Variants in SRRD observed in about 807,000 individuals in gnomAD.
SRRD encodes the protein SRR1-like protein.
Under a neutral mutation model 30.7 loss-of-function variants are expected in SRRD, and 28 were observed. That is an observed-to-expected ratio of 0.91 (90% CI 0.68 to 1.25). SRRD has a LOEUF of 1.25. SRRD is among the 50% of genes most tolerant of loss of function. The probability of loss-of-function intolerance (pLI) is 0.00; values close to 1 mark genes in which losing one functional copy is unlikely to be tolerated. For missense variants in SRRD, 415 were observed against 417.3 expected, an observed-to-expected ratio of 0.99 and a Z score of 0.05; for synonymous variants, 161 against 159.6, an observed-to-expected ratio of 1.01 and a Z score of -0.07.
Position 26,494,146 on chromosome 22 carries a change from G to A in SRRD, c.*2474G>A, listed in dbSNP as rs1046277241. ...ATGGGAATCCTCACTTACCAACGTT[G>A]GAGGACACCGCCCGGTTCATGATAT... On this transcript the variant is annotated 3_prime_UTR_variant, in exon 7 of 7. Coordinates refer to ENST00000215917, the MANE Select transcript of SRRD (RefSeq NM_001013694.3). 3.1e-6 allele frequency: 5 copies of A among 1,613,804 alleles called. No homozygotes were observed. The highest frequency in any genetic ancestry group is 1.7e-5 in the Admixed American group (1 of 59,986).
chr22:26,486,121 A>T, intron 2 of SRRD, 58 bp downstream of exon 2: 1 of 1,610,176 alleles, frequency 6.2e-7, no homozygotes, highest in East Asian at 2.2e-5. Context: ...ATCAGTCCTC[A>T]TTTGAGGACA....
rs765290140 is a variant in SRRD at position 26,491,636 on chromosome 22, C to A, written c.984C>A (p.Ile328=). 1.9e-6 allele frequency: 3 copies of A among 1,613,416 alleles called. No homozygotes were observed. Among genetic ancestry groups the A allele is most frequent in the South Asian group, 2.2e-5 (2 of 91,086 alleles). The change falls in exon 7 of 7, where the codon ATC becomes ATA. Residue 328 remains isoleucine (I), a synonymous_variant. Coordinates refer to ENST00000215917, the MANE Select transcript of SRRD (RefSeq NM_001013694.3). ...AGGACTGTGAGGACCTTGAAATCATCAGGAACAAGAGAGAAGATCCTTCTG... is the reference window on the plus strand; with the variant it reads ...AGGACTGTGAGGACCTTGAAATCATAAGGAACAAGAGAGAAGATCCTTCTG... ...DYQDCEDLEI[I]RNKREDPSAT...
At chr22:26,484,189 C>A in intron 1 of SRRD, 90 bp downstream of exon 1, 2 of 1,293,806 alleles carry the variant, frequency 1.5e-6, no homozygotes, top group East Asian at 2.7e-5. Context: ...AGATATAATG[C>A]ACACCCTTTA....
At chr22:26,484,423 C>A (rs954798931) in intron 1 of SRRD, among the ~76,000 whole-genome samples, 5 of 152,092 alleles carry the variant, frequency 3.3e-5, no homozygotes, top group African/African-American at 1.2e-4. Context: ...AAACGGAAAC[C>A]ATTTTCTGGC....
intron 5 of SRRD, among the ~76,000 whole-genome samples, chr22:26,490,559 C>CTTTTTTCTTTTTTTTT (rs1921027159): frequency 1.9e-5 from 1 of 51,834 alleles, no homozygotes; most frequent in Non-Finnish European, 3.4e-5. Context: ...GGAATATTTG[C>CTTTTTTCTTTTTTTTT]TTTTTTTTTT....
chr22:26,493,024 A>G lies in SRRD; in HGVS notation c.*1352A>G, dbSNP rs1013607758. 1 of 150,790 alleles carries G rather than the reference A, an allele frequency of 6.6e-6. No homozygotes were observed. The highest frequency in any genetic ancestry group is 6.6e-5 in the Admixed American group (1 of 15,118). 9.3% of individuals were successfully genotyped at this position (150,790 alleles called of 1,614,324 possible). A position where few individuals can be genotyped will look rare whatever the true frequency, so the allele number is the denominator to read the frequency against. On this transcript the variant is annotated 3_prime_UTR_variant, in exon 7 of 7. Coordinates refer to ENST00000215917, the MANE Select transcript of SRRD (RefSeq NM_001013694.3). ...AATCTCTGTTTTCACAGAATAGGCT[A>G]TTTTTCTTTTTTTTTTTTTGAGACC...
Position 26,484,000 on chromosome 22 carries a change from GA to G in SRRD, c.111del (p.Glu38ArgfsTer46), listed in dbSNP as rs2091617046. 8.4e-5 allele frequency: 4 copies of G among 47,716 alleles called. No individual in the cohort carries two copies. Among genetic ancestry groups the G allele is most frequent in the South Asian group, 4.9e-4 (1 of 2,030 alleles). The allele number at this position is 47,716 out of a possible 1,614,324, so 3.0% of individuals were successfully genotyped here. A position where few individuals can be genotyped will look rare whatever the true frequency, so the allele number is the denominator to read the frequency against. Reference protein sequence around the residue: ...PRRREAAPRGREAAPRGREAA... With the variant: ...PRRREAAPRGXEAAPRGREAA... Reference sequence around the variant, plus strand: ...CGGAGGGAGGCGGCGCCCCGGGGGAGAGAGGCGGCGCCCCGGGGGAGAGAGG... The same window carrying G: ...CGGAGGGAGGCGGCGCCCCGGGGGAGGAGGCGGCGCCCCGGGGGAGAGAGG... On this transcript the variant is annotated frameshift_variant, in exon 1 of 7. Coordinates refer to ENST00000215917, the MANE Select transcript of SRRD (RefSeq NM_001013694.3). LOFTEE classifies it high-confidence loss of function.
Position 26,493,436 on chromosome 22 carries a change from C to G in SRRD, c.*1764C>G, listed in dbSNP as rs1171284443. The G allele has an allele frequency of 6.6e-6, 1 of 152,294 alleles. No individual in the cohort carries two copies. The highest frequency in any genetic ancestry group is 2.4e-5 in the African/African-American group (1 of 41,468). The allele number at this position is 152,294 out of a possible 1,614,324, so 9.4% of individuals were successfully genotyped here. ...AGGCTCTCAGCCTCGCTGGGCTTAT[C>G]TGTAAAACACAGACTAGACGATCCC... is the stretch of plus-strand genomic sequence containing the variant. On this transcript the variant is annotated 3_prime_UTR_variant, in exon 7 of 7. Transcript: ENST00000215917.
rs190881971 is a variant in SRRD at position 26,488,186 on chromosome 22, C to T, written c.408C>T (p.Thr136=). The T allele has an allele frequency of 4.2e-3, 6,831 of 1,614,224 alleles. 27 individuals carry two copies. The highest frequency in any genetic ancestry group is 0.02 in the Middle Eastern group (121 of 6,062). The change falls in exon 3 of 7, where the codon ACC becomes ACT. Residue 136 remains threonine, a synonymous_variant. Coordinates refer to ENST00000215917, the MANE Select transcript of SRRD (RefSeq NM_001013694.3). ...SIPREILVTG[T]CHLKCVCYGI... ...CAAGAGAGATCTTGGTCACAGGAAC[C>T]TGCCATTTGAAGTGTGTGTGTTACG...
At position 26,491,900 on chromosome 22, in the gene SRRD, A is replaced by T. The variant is rs945492787; in HGVS notation, c.*228A>T. The T allele has an allele frequency of 5.6e-5, 63 of 1,115,698 alleles. No homozygotes were observed. Among genetic ancestry groups the T allele is most frequent in the Non-Finnish European group, 7.9e-5 (62 of 787,076 alleles). The allele number at this position is 1,115,698 out of a possible 1,614,324, so 69.1% of individuals were successfully genotyped here. Reference sequence around the variant, plus strand: ...TCCCTCATGACCTGGCCTGATGTGGAGTAGCTCCTGAGTAAAGAAGTTACC... The same window carrying T: ...TCCCTCATGACCTGGCCTGATGTGGTGTAGCTCCTGAGTAAAGAAGTTACC... On this transcript the variant is annotated 3_prime_UTR_variant, in exon 7 of 7. Transcript: ENST00000215917.
chr22:26,493,992 C>G lies in SRRD; in HGVS notation c.*2320C>G. 1.2e-6 allele frequency: 1 copy of G among 832,428 alleles called. No homozygotes were observed. Among genetic ancestry groups the G allele is most frequent in the African/African-American group, 1.7e-5 (1 of 58,188 alleles). 51.6% of individuals were successfully genotyped at this position (832,428 alleles called of 1,614,324 possible). A position where few individuals can be genotyped will look rare whatever the true frequency, so the allele number is the denominator to read the frequency against. ...CCAGCTGACCATGTACCCCAGTCAGCAGGGTGAGAGTCTGTTGCTATGTGC... is the reference window on the plus strand; with the variant it reads ...CCAGCTGACCATGTACCCCAGTCAGGAGGGTGAGAGTCTGTTGCTATGTGC... On this transcript the variant is annotated 3_prime_UTR_variant, in exon 7 of 7. Coordinates refer to ENST00000215917, the MANE Select transcript of SRRD (RefSeq NM_001013694.3).
At chr22:26,487,763 G>A (rs1046061293) in intron 2 of SRRD, among the ~76,000 whole-genome samples, 1 of 152,352 alleles carries the variant, frequency 6.6e-6, no homozygotes, top group East Asian at 1.9e-4. Context: ...AACTGCCCTT[G>A]AGTGAAACCC....
In SRRD at chr22:26,491,090, G is replaced by C. The variant is rs775143080; in HGVS notation, c.810+20G>C. The C allele has an allele frequency of 3.1e-5, 50 of 1,606,292 alleles. No individual in the cohort carries two copies. The East Asian group carries it at 1.0e-3, about 34-fold the overall frequency. On this transcript the variant is annotated intron_variant, in intron 6 of 6. Coordinates refer to ENST00000215917, the MANE Select transcript of SRRD (RefSeq NM_001013694.3). ...GCAAAGGTATCTATCTGAATAAAGG[G>C]GCTGGGATGGAAAAGGGTGTGAAAC... is the stretch of plus-strand genomic sequence containing the variant.
chr22:26,491,360 TA>T, intron 6 of SRRD, 102 bp from the exon 7 acceptor site: 1 of 993,640 alleles, frequency 1.0e-6, no homozygotes, highest in Non-Finnish European at 1.5e-6. Context: ...GTTATTTTTT[TA>T]AAAAGTAAAG....
Position 26,494,549 on chromosome 22 carries a change from A to G in SRRD, c.*2877A>G. On this transcript the variant is annotated 3_prime_UTR_variant, in exon 7 of 7. Coordinates refer to ENST00000215917, the MANE Select transcript of SRRD (RefSeq NM_001013694.3). ...TCCATGTCTACACAACAGGGATACC[A>G]TATCCCCTACCCCATAGGGTTGCTG... 3 of 699,110 alleles carry G rather than the reference A, an allele frequency of 4.3e-6. No homozygotes were observed. The highest frequency in any genetic ancestry group is 5.4e-5 in the East Asian group (2 of 36,808). The allele number at this position is 699,110 out of a possible 1,614,324, so 43.3% of individuals were successfully genotyped here.
At position 26,494,048 on chromosome 22, in the gene SRRD, C is replaced by T; in HGVS notation, c.*2376C>T. On this transcript the variant is annotated 3_prime_UTR_variant, in exon 7 of 7. Transcript: ENST00000215917. ...TGTGACCTAAGGTTTAGGCTGCCTA[C>T]AGGAACCAGAAAACTCTGATTCTGT... 2 of 1,478,274 alleles carry T rather than the reference C, an allele frequency of 1.4e-6. No homozygotes were observed. Among genetic ancestry groups the T allele is most frequent in the Non-Finnish European group, 1.8e-6 (2 of 1,081,692 alleles). 91.6% of individuals were successfully genotyped at this position (1,478,274 alleles called of 1,614,324 possible). A position where few individuals can be genotyped will look rare whatever the true frequency, so the allele number is the denominator to read the frequency against.
chr22:26,492,067 G>T lies in SRRD; in HGVS notation c.*395G>T, dbSNP rs16982207. On this transcript the variant is annotated 3_prime_UTR_variant, in exon 7 of 7. Coordinates refer to ENST00000215917, the MANE Select transcript of SRRD (RefSeq NM_001013694.3). ...GTGAGGTGGGCACCCACGTCTTCTC[G>T]CCCTGGACAAAGACCACTCCCCGGT... The T allele has an allele frequency of 6.2e-7, 1 of 1,611,480 alleles. No individual in the cohort carries two copies. Among genetic ancestry groups the T allele is most frequent in the Non-Finnish European group, 8.5e-7 (1 of 1,178,856 alleles).
At chr22:26,490,559 C>CTTTTTGTTTTTTTTTTT (rs1921026657) in intron 5 of SRRD, among the ~76,000 whole-genome samples, 1 of 51,834 alleles carries the variant, frequency 1.9e-5, no homozygotes, top group Non-Finnish European at 3.4e-5. Flanking sequence ...GGAATATTTG[C>CTTTTTGTTTTTTTTTTT]TTTTTTTTTT....
Position 26,492,004 on chromosome 22 carries a change from T to A in SRRD, c.*332T>A. ...GCAAGTCTCTGACTGGTTCTGGACC[T>A]GCCACAGTTCACTTGGCCATGTCGA... On this transcript the variant is annotated 3_prime_UTR_variant, in exon 7 of 7. Transcript: ENST00000215917. The A allele has an allele frequency of 1.3e-6, 2 of 1,581,874 alleles. No homozygotes were observed. The highest frequency in any genetic ancestry group is 2.3e-5 in the South Asian group (2 of 86,960).
Sources: allele counts gnomAD v4.1 joint callset (sites outside exome capture counted in the v4.1 genomes callset), GRCh38; gene constraint gnomAD v4.1.1; transcripts MANE v1.5; gene names NCBI Gene and HGNC (gene_info 2026-07-23, HGNC 2026-07-21).